The following ENTPD7 variants were observed in gnomAD, a reference collection of about 807,000 sequenced individuals.
The protein encoded by ENTPD7 is ectonucleoside triphosphate diphosphohydrolase 7.
A neutral mutation model predicts 77.9 loss-of-function variants in ENTPD7; 53 were observed. That is an observed-to-expected ratio of 0.68 (90% confidence interval 0.55 to 0.85). The LOEUF (loss-of-function observed/expected upper bound fraction) is 0.85. Ranked by LOEUF, ENTPD7 falls within the 40% of genes least tolerant of loss-of-function variation. The probability of loss-of-function intolerance (pLI) is 0.00; values close to 1 mark genes in which losing one functional copy is unlikely to be tolerated. For synonymous variants in ENTPD7, 248 were observed against 274.9 expected, an observed-to-expected ratio of 0.90 and a Z score of 0.97; for missense variants, 636 against 743.7, an observed-to-expected ratio of 0.86 and a Z score of 1.68.
chr10:99,667,717 G>T (rs971151789), intron 3 of ENTPD7, among the ~76,000 whole-genome samples: 1 of 152,142 alleles, frequency 6.6e-6, no homozygotes, highest in South Asian at 2.1e-4. Flanking sequence ...GGAATGGTGG[G>T]TGGGGTGTGT....
chr10:99,682,377 G>T (rs182587284), intron 5 of ENTPD7, among the ~76,000 whole-genome samples: 31 of 152,176 alleles, frequency 2.0e-4, no homozygotes, highest in Non-Finnish European at 2.4e-4. Context: ...ACAGTTACTG[G>T]TTTACTGACT....
At chr10:99,666,426 C>G (rs1250461048) in intron 3 of ENTPD7, among the ~76,000 whole-genome samples, 1 of 152,148 alleles carries the variant, frequency 6.6e-6, no homozygotes, top group Non-Finnish European at 1.5e-5. Context: ...CCAGGCTGGT[C>G]TCGAATCCCT....
chr10:99,704,612 G>A lies in ENTPD7; in HGVS notation c.1744G>A (p.Ala582Thr). 2 of 1,614,140 alleles carry A rather than the reference G, an allele frequency of 1.2e-6. No individual in the cohort carries two copies. The highest frequency in any genetic ancestry group is 1.7e-6 in the Non-Finnish European group (2 of 1,180,034). Residue 582 changes from alanine to threonine, a missense_variant, in exon 13 of 13, where the codon GCC becomes ACC. This residue lies in a region of ENTPD7 where 138 missense variants were observed against 150.9 expected (regional missense o/e 0.91). Transcript: ENST00000370489. Reference protein sequence around the residue: ...LRRIHHRQTRASAPLDLLWLE... With the variant: ...LRRIHHRQTRTSAPLDLLWLE... ...CCGAATTCACCACCGACAAACACGA[G>A]CCTCAGCTCCATTGGACTTGCTGTG...
chr10:99,701,962 T>G (rs1309047145), intron 11 of ENTPD7, among the ~76,000 whole-genome samples: 1 of 151,916 alleles, frequency 6.6e-6, no homozygotes, highest in Non-Finnish European at 1.5e-5. Context: ...GCAGGGAGAA[T>G]TGCTTGAACC....
At chr10:99,699,917 C>A (rs2036077849) in intron 10 of ENTPD7, among the ~76,000 whole-genome samples, 1 of 151,818 alleles carries the variant, frequency 6.6e-6, no homozygotes, top group East Asian at 1.9e-4. Context: ...CCCTGCCTAC[C>A]TTTCTCTTTC....
intron 12 of ENTPD7, among the ~76,000 whole-genome samples, 163 bp from the exon 13 acceptor site, chr10:99,704,289 G>A (rs557313687): frequency 3.3e-5 from 5 of 152,300 alleles, no homozygotes; most frequent in African/African-American, 4.8e-5. Context: ...CTCCTGGGGC[G>A]GGGGATGTTC....
chr10:99,694,530 G>GT (rs1268576957), intron 8 of ENTPD7, among the ~76,000 whole-genome samples: 160 of 61,038 alleles, frequency 2.6e-3, no homozygotes, highest in Admixed American at 5.4e-3. Context: ...ATGTACATAA[G>GT]TTTTTTTGTT....
At chr10:99,670,851 C>T (rs2035611927) in intron 3 of ENTPD7, among the ~76,000 whole-genome samples, 1 of 151,938 alleles carries the variant, frequency 6.6e-6, no homozygotes, top group Non-Finnish European at 1.5e-5. Flanking sequence ...AACCTCATCT[C>T]TACAGAAAAT....
At position 99,698,691 on chromosome 10, in the gene ENTPD7, C is replaced by T; in HGVS notation, c.1168C>T (p.Leu390=). 6.2e-7 allele frequency: 1 copy of T among 1,614,178 alleles called. No individual in the cohort carries two copies. The highest frequency in any genetic ancestry group is 1.1e-5 in the South Asian group (1 of 91,084). The part of the protein sequence containing the change: ...VSCGAMLSPL[L]ARSNTSQASL... Reference sequence around the variant, plus strand: ...TTGTGGGGCAATGCTGAGCCCCCTGCTGGCTCGCTCCAACACCAGCCAGGC... The same window carrying T: ...TTGTGGGGCAATGCTGAGCCCCCTGTTGGCTCGCTCCAACACCAGCCAGGC... Residue 390 remains leucine (L), a synonymous_variant, in exon 10 of 13, where the codon CTG becomes TTG. Transcript: ENST00000370489.
Position 99,659,851 on chromosome 10 carries a change from A to G in ENTPD7, c.-95-11A>G. 1.3e-6 allele frequency: 2 copies of G among 1,530,418 alleles called. No homozygotes were observed. Among genetic ancestry groups the G allele is most frequent in the Non-Finnish European group, 1.8e-6 (2 of 1,114,926 alleles). 94.8% of individuals were successfully genotyped at this position (1,530,418 alleles called of 1,614,324 possible). Reference sequence around the variant, plus strand: ...TCAGTCGGACAGAAGCCTGAAATCAAATCTTTCTAGGCTGCAGACGTAGGA... The same window carrying G: ...TCAGTCGGACAGAAGCCTGAAATCAGATCTTTCTAGGCTGCAGACGTAGGA... On this transcript the variant is annotated splice_polypyrimidine_tract_variant and intron_variant, in intron 1 of 12. Coordinates refer to ENST00000370489, the MANE Select transcript of ENTPD7 (RefSeq NM_020354.5). The surrounding 1 kb of genome is among the most constrained non-coding windows in gnomAD (Gnocchi z 4.1).
intron 3 of ENTPD7, among the ~76,000 whole-genome samples, chr10:99,669,790 T>C (rs2035597936): frequency 7.6e-6 from 1 of 130,884 alleles, no homozygotes; most frequent in South Asian, 2.8e-4. Flanking sequence ...TGCTCTGTCG[T>C]CCAGGCTGGA....
chr10:99,667,793 A>G (rs972015531), intron 3 of ENTPD7, among the ~76,000 whole-genome samples: 15 of 152,160 alleles, frequency 9.9e-5, no homozygotes, highest in African/African-American at 3.6e-4. Flanking sequence ...GAAGCAGGAG[A>G]GAGGAAATTT....
At chr10:99,702,450 G>T in intron 11 of ENTPD7, 62 bp from the exon 12 acceptor site, 1 of 1,416,540 alleles carries the variant, frequency 7.1e-7, no homozygotes, top group Non-Finnish European at 9.4e-7. Context: ...GTGGCTTATT[G>T]CAAAGGAAAG....
In ENTPD7 at chr10:99,704,765, TG is replaced by T; in HGVS notation, c.*83del. ...CTCCACTTTCTTATATAGCCTCAGA[TG>T]CTGTGATGTCTGACCTTGTGGATAT... On this transcript the variant is annotated 3_prime_UTR_variant, in exon 13 of 13. Transcript: ENST00000370489. 8.0e-7 allele frequency: 1 copy of T among 1,254,344 alleles called. No individual in the cohort carries two copies. The allele number at this position is 1,254,344 out of a possible 1,614,324, so 77.7% of individuals were successfully genotyped here.
At chr10:99,691,973 T>G (rs1477363940) in intron 8 of ENTPD7, among the ~76,000 whole-genome samples, 2 of 152,218 alleles carry the variant, frequency 1.3e-5, no homozygotes, top group Non-Finnish European at 2.9e-5. Flanking sequence ...CCCACTAGAA[T>G]GTAAAGAATG....
chr10:99,695,899 CT>C, intron 8 of ENTPD7, 56 bp from the exon 9 acceptor site: 1 of 1,541,394 alleles, frequency 6.5e-7, no homozygotes, highest in African/African-American at 1.4e-5. Context: ...AATGTCATAG[CT>C]TTCTAGAAGG....
rs2036320142 is a variant in ENTPD7 at position 99,709,571 on chromosome 10, C to A, written c.*4888C>A. On this transcript the variant is annotated 3_prime_UTR_variant, in exon 13 of 13. Coordinates refer to ENST00000370489, the MANE Select transcript of ENTPD7 (RefSeq NM_020354.5). ...TTTGATTAATACTATAGAATAGCAA[C>A]AGTGAATATACCTCAAATTGAAAAC... is the stretch of plus-strand genomic sequence containing the variant. 2 of 983,028 alleles carry A rather than the reference C, an allele frequency of 2.0e-6. No homozygotes were observed. The highest frequency in any genetic ancestry group is 9.4e-5 in the South Asian group (2 of 21,228). 60.9% of individuals were successfully genotyped at this position (983,028 alleles called of 1,614,324 possible). A position where few individuals can be genotyped will look rare whatever the true frequency, so the allele number is the denominator to read the frequency against.
intron 3 of ENTPD7, among the ~76,000 whole-genome samples, chr10:99,663,958 T>C (rs980457171): frequency 5.9e-5 from 9 of 152,324 alleles, no homozygotes; most frequent in African/African-American, 2.2e-4. Flanking sequence ...TGTTCATTTT[T>C]TTTCCAGTCT....
rs1455013816 is a variant in ENTPD7, at chr10:99,707,685, T to TAGG, written c.*3005_*3007dup. 1.3e-5 allele frequency among the ~76,000 whole-genome samples: 2 copies of TAGG among 152,232 alleles called. No homozygotes were observed. The highest frequency in any genetic ancestry group is 4.8e-5 in the African/African-American group (2 of 41,454). On this transcript the variant is annotated 3_prime_UTR_variant, in exon 13 of 13. Transcript: ENST00000370489. ...CTGAGACAGGTCACAAACATCAAAA[T>TAGG]AGGAGTCCGTGGCTTGTAGTGATGC...
Sources: gnomAD v4.1 joint callset for allele counts (sites outside exome capture counted in the v4.1 genomes callset) on GRCh38, gnomAD v4.1.1 for gene constraint, gnomAD v4.1.1 regional missense constraint, Gnocchi (gnomAD v3.1) non-coding constraint, MANE v1.5 for transcripts, NCBI Gene and HGNC (gene_info 2026-07-23, HGNC 2026-07-21) for gene names.